The following MSRA variants were observed in gnomAD, a reference collection of about 807,000 sequenced individuals.
MSRA encodes the protein methionine sulfoxide reductase A, also known as mitochondrial peptide methionine sulfoxide reductase.
Under a neutral mutation model 31.3 loss-of-function variants are expected in MSRA, and 54 were observed. The ratio of observed to expected loss-of-function variants is 1.73; its 90% CI spans 1.39 to 2.17. The LOEUF (loss-of-function observed/expected upper bound fraction) is 2.17. MSRA is among the 30% of genes most tolerant of loss of function. MSRA has a pLI of 0.00. For missense variants in MSRA, 507 were observed against 300.9 expected (o/e 1.69, Z -5.07); for synonymous variants, 169 against 116.5 (o/e 1.45, Z -2.90).
intron 1 of MSRA, among the ~76,000 whole-genome samples, chr8:10,171,629 G>C (rs1805596066): frequency 6.6e-6 from 1 of 152,160 alleles, no homozygotes; most frequent in Non-Finnish European, 1.5e-5. Flanking sequence ...GGCAACCACA[G>C]CAAACGACTG....
intron 1 of MSRA, among the ~76,000 whole-genome samples, chr8:10,204,482 A>G (rs957336447): frequency 6.6e-6 from 1 of 152,174 alleles, no homozygotes; most frequent in African/African-American, 2.4e-5. Flanking sequence ...AGATATCTAG[A>G]TCACAAATAC....
chr8:10,160,276 C>A (rs185959503), intron 1 of MSRA, among the ~76,000 whole-genome samples: 1 of 152,004 alleles, frequency 6.6e-6, no homozygotes, highest in Non-Finnish European at 1.5e-5. Flanking sequence ...GGGCAGATCA[C>A]GAGGTCAGGA....
chr8:10,074,712 G>A (rs778566419), intron 1 of MSRA, among the ~76,000 whole-genome samples: 1 of 151,978 alleles, frequency 6.6e-6, no homozygotes, highest in African/African-American at 2.4e-5. Flanking sequence ...AGGCTGGAGT[G>A]CAGTAGTACG....
At chr8:10,218,132 A>G (rs1810163930) in intron 2 of MSRA, among the ~76,000 whole-genome samples, 1 of 145,746 alleles carries the variant, frequency 6.9e-6, no homozygotes, top group Non-Finnish European at 1.5e-5. Context: ...TTATTTATTT[A>G]TTTATTTATT....
At chr8:10,218,589 T>G (rs1810213089) in intron 2 of MSRA, among the ~76,000 whole-genome samples, 1 of 152,240 alleles carries the variant, frequency 6.6e-6, no homozygotes, top group South Asian at 2.1e-4. Context: ...GAGACTTCTC[T>G]TTATCAACTG....
At chr8:10,175,354 A>G (rs58176018) in intron 1 of MSRA, among the ~76,000 whole-genome samples, 7,097 of 152,278 alleles carry the variant, frequency 0.047, 199 homozygotes, top group South Asian at 0.077. Context: ...TATCTCCGCA[A>G]TTGGAACATG....
At chr8:10,133,385 G>T (rs1316342360) in intron 1 of MSRA, among the ~76,000 whole-genome samples, 1 of 152,158 alleles carries the variant, frequency 6.6e-6, no homozygotes, top group Non-Finnish European at 1.5e-5. Flanking sequence ...GAAGGTTGTT[G>T]GTTCAGGGCC....
intron 5 of MSRA, among the ~76,000 whole-genome samples, chr8:10,367,532 A>C (rs922331826): frequency 6.6e-6 from 1 of 152,186 alleles, no homozygotes; most frequent in Admixed American, 6.5e-5. Context: ...CTCGTGTGCT[A>C]GTCACTGTAC....
At chr8:10,068,764 T>C (rs1275915966) in intron 1 of MSRA, among the ~76,000 whole-genome samples, 1 of 152,232 alleles carries the variant, frequency 6.6e-6, no homozygotes, top group Non-Finnish European at 1.5e-5. Flanking sequence ...CTATTCTTTT[T>C]TTCCCCCTTT....
intron 5 of MSRA, among the ~76,000 whole-genome samples, chr8:10,424,624 A>T (rs1012067742): frequency 2.0e-5 from 3 of 147,314 alleles, no homozygotes. Flanking sequence ...GTGGAGTGGG[A>T]TCAGGGAGAA....
chr8:10,320,414 C>A (rs1452232163), intron 5 of MSRA: 1 of 154,170 alleles, frequency 6.5e-6, no homozygotes, highest in African/African-American at 2.4e-5. Context: ...GCTGCAGTGA[C>A]CTGTGATTGC....
chr8:10,082,370 C>A (rs1026608016), intron 1 of MSRA, among the ~76,000 whole-genome samples: 5 of 152,164 alleles, frequency 3.3e-5, no homozygotes, highest in Non-Finnish European at 5.9e-5. Context: ...CCTGGTTATT[C>A]CTGCTGCCAA....
At chr8:10,352,317 T>C (rs1275276436) in intron 5 of MSRA, among the ~76,000 whole-genome samples, 1 of 152,218 alleles carries the variant, frequency 6.6e-6, no homozygotes, top group African/African-American at 2.4e-5. Flanking sequence ...TATGTATGTG[T>C]GTATGTGTAC....
At chr8:10,221,175 A>T (rs530443064) in intron 2 of MSRA, among the ~76,000 whole-genome samples, 26 of 152,290 alleles carry the variant, frequency 1.7e-4, no homozygotes, top group African/African-American at 5.8e-4. Flanking sequence ...GCATGCTTTT[A>T]TCCTGCTGCC....
At chr8:10,082,458 C>A (rs191523086) in intron 1 of MSRA, among the ~76,000 whole-genome samples, 144 of 152,234 alleles carry the variant, frequency 9.5e-4, no homozygotes, top group Non-Finnish European at 1.9e-4. Context: ...TTCCTTTCGC[C>A]CTCCTAAGAA....
chr8:10,113,390 C>A (rs1266352770), intron 1 of MSRA, among the ~76,000 whole-genome samples: 2 of 138,630 alleles, frequency 1.4e-5, no homozygotes, highest in Non-Finnish European at 3.0e-5. Flanking sequence ...GGATCTATGG[C>A]AGACTGGGAT....
chr8:10,057,397 A>G (rs905659255), intron 1 of MSRA, among the ~76,000 whole-genome samples: 1 of 152,208 alleles, frequency 6.6e-6, no homozygotes, highest in Non-Finnish European at 1.5e-5. Flanking sequence ...TTGGTATTGT[A>G]TTGTTCAAAA....
intron 1 of MSRA, among the ~76,000 whole-genome samples, chr8:10,175,404 G>A (rs1003343896): frequency 2.6e-5 from 4 of 152,140 alleles, no homozygotes; most frequent in Non-Finnish European, 5.9e-5. Flanking sequence ...AAGTCACAAC[G>A]ATCATTATTT....
intron 3 of MSRA, among the ~76,000 whole-genome samples, chr8:10,298,141 C>T (rs1190025904): frequency 1.3e-5 from 2 of 152,194 alleles, no homozygotes. Flanking sequence ...GACCATATGT[C>T]TCTGGCAAAA....
Sources: gnomAD v4.1 joint callset for allele counts (sites outside exome capture counted in the v4.1 genomes callset) on GRCh38, gnomAD v4.1.1 for gene constraint, MANE v1.5 for transcripts, NCBI Gene and HGNC (gene_info 2026-07-23, HGNC 2026-07-21) for gene names.